Variants in AHNAK observed in about 807,000 individuals in gnomAD.
The protein encoded by AHNAK is neuroblast differentiation-associated protein AHNAK.
In AHNAK, 23 loss-of-function variants were observed where a neutral mutation model predicts 37.8. That is an observed-to-expected ratio of 0.61 (90% confidence interval 0.44 to 0.86). The LOEUF is 0.86. Ranked by LOEUF, AHNAK falls within the 40% of genes least tolerant of loss-of-function variation. The pLI, the probability that AHNAK is intolerant of heterozygous loss-of-function variation, is 0.00. For missense variants in AHNAK, 7,411 were observed against 7,319.4 expected (o/e 1.01, Z -0.46); for synonymous variants, 2,481 against 2,636.3 (o/e 0.94, Z 1.80).
At chr11:62,454,935 T>A (rs199740399) in intron 5 of AHNAK, among the ~76,000 whole-genome samples, 14,820 of 149,342 alleles carry the variant, frequency 0.099, 2,033 homozygotes, top group African/African-American at 0.31. Context: ...TATTTATTTT[T>A]TTTTTTTTTT....
rs2134243952 is a variant in AHNAK at position 62,532,993 on chromosome 11, G to A, written c.1424C>T (p.Ala475Val). The A allele has an allele frequency of 6.2e-7, 1 of 1,614,126 alleles. No individual in the cohort carries two copies. Among genetic ancestry groups the A allele is most frequent in the South Asian group, 1.1e-5 (1 of 91,080 alleles). ...CATCTTTCCTTCCAGCCCACCAGTAGCAATCTCAGGCAGGCTGACATCCCC... is the reference window on the plus strand; with the variant it reads ...CATCTTTCCTTCCAGCCCACCAGTAACAATCTCAGGCAGGCTGACATCCCC... Reference protein sequence around the residue: ...VSGDVSLPEIATGGLEGKMKG... With the variant: ...VSGDVSLPEIVTGGLEGKMKG... The change falls in exon 5 of 5, where the codon GCT becomes GTT. Residue 475 changes from alanine to valine, a missense_variant. Ala to Val is a moderately conservative substitution (Grantham distance 64). Transcript: ENST00000378024.
At chr11:62,467,243 A>G (rs1309727160) in intron 5 of AHNAK, among the ~76,000 whole-genome samples, 1 of 151,832 alleles carries the variant, frequency 6.6e-6, no homozygotes, top group Non-Finnish European at 1.5e-5. Flanking sequence ...GAAAAATAGT[A>G]TATCCTTGAA....
At chr11:62,464,968 C>T (rs1414211129) in intron 5 of AHNAK, among the ~76,000 whole-genome samples, 1 of 152,164 alleles carries the variant, frequency 6.6e-6, no homozygotes, top group African/African-American at 2.4e-5. Context: ...CAGACACAGT[C>T]GGGAACCCCT....
intron 4 of AHNAK, among the ~76,000 whole-genome samples, chr11:62,507,651 C>T (rs928357779): frequency 2.0e-5 from 3 of 152,040 alleles, no homozygotes; most frequent in African/African-American, 4.8e-5. Flanking sequence ...ATTAGCTGGG[C>T]GTGGTGGGCA....
At chr11:62,469,834 G>A (rs936596018) in intron 5 of AHNAK, among the ~76,000 whole-genome samples, 5 of 152,158 alleles carry the variant, frequency 3.3e-5, no homozygotes, top group Non-Finnish European at 5.9e-5. Flanking sequence ...AGAGGTGTCA[G>A]AAACAGAGAA....
At chr11:62,483,962 A>G (rs1590620770) in intron 5 of AHNAK, among the ~76,000 whole-genome samples, 2 of 134,936 alleles carry the variant, frequency 1.5e-5, no homozygotes, top group East Asian at 2.4e-4. Flanking sequence ...GTGTGAACCC[A>G]GGAGGTGGAG....
At chr11:62,450,452 C>A (rs983850532) in intron 5 of AHNAK, among the ~76,000 whole-genome samples, 1 of 152,282 alleles carries the variant, frequency 6.6e-6, no homozygotes, top group East Asian at 1.9e-4. Flanking sequence ...CTTGGCCCCC[C>A]AAAGTACTGG....
chr11:62,501,093 G>T (rs767113164), intron 4 of AHNAK, among the ~76,000 whole-genome samples: 1 of 152,010 alleles, frequency 6.6e-6, no homozygotes, highest in East Asian at 1.9e-4. Flanking sequence ...TTAGTCAGGC[G>T]TGGTGGCACT....
chr11:62,483,175 C>A lies in AHNAK; in HGVS notation c.442+8557G>T, dbSNP rs115354792. Among the ~76,000 whole-genome samples, 744 of 152,258 alleles carry A rather than the reference C, an allele frequency of 4.9e-3. 5 individuals are homozygous for A. Among genetic ancestry groups the A allele is most frequent in the African/African-American group, 0.017 (705 of 41,544 alleles). On this transcript the variant is annotated intron_variant, in intron 5 of 5. Transcript: ENST00000257247. ...CCCCGAAGGCCCAGGGCCCAAGGGA[C>A]GCTACGTGGCAACAGCATCGGGGTA... is the stretch of plus-strand genomic sequence containing the variant.
rs558472931 is a variant in AHNAK at position 62,515,914 on chromosome 11, A to C, written c.*830T>G. ...AAGGCACAAGACATCAAGGTTAATA[A>C]ACAGCTTTATTTGCCTTGTACAGCA... is the stretch of plus-strand genomic sequence containing the variant. On this transcript the variant is annotated 3_prime_UTR_variant, in exon 5 of 5. Transcript: ENST00000378024. 1.8e-3 allele frequency: 2,063 copies of C among 1,150,594 alleles called. 4 individuals are homozygous for C. Among genetic ancestry groups the C allele is most frequent in the Non-Finnish European group, 2.0e-3 (1,884 of 921,058 alleles). The allele number at this position is 1,150,594 out of a possible 1,614,324, so 71.3% of individuals were successfully genotyped here. A position where few individuals can be genotyped will look rare whatever the true frequency, so the allele number is the denominator to read the frequency against.
chr11:62,500,007 C>T (rs1479853221), intron 4 of AHNAK, among the ~76,000 whole-genome samples: 1 of 152,198 alleles, frequency 6.6e-6, no homozygotes. Flanking sequence ...CTCTGTCCCC[C>T]ACACCAGACT....
intron 5 of AHNAK, among the ~76,000 whole-genome samples, chr11:62,485,079 G>A (rs1056965129): frequency 3.3e-5 from 5 of 152,050 alleles, no homozygotes; most frequent in Admixed American, 1.3e-4. Context: ...GTGAGCCACC[G>A]TGCCTGGCCT....
intron 5 of AHNAK, among the ~76,000 whole-genome samples, chr11:62,448,295 A>C (rs1022692817): frequency 2.0e-5 from 3 of 152,172 alleles, no homozygotes; most frequent in African/African-American, 7.2e-5. Context: ...GAGGATTCAC[A>C]ATCAAATGTG....
chr11:62,527,010 C>T lies in AHNAK; in HGVS notation c.7407G>A (p.Gly2469=). ...DLNLKGPKIK[G]DVDVSVPEVE... Reference sequence around the variant, plus strand: ...CCTCAGGCACAGACACATCCACATCCCCCTTGATTTTGGGTCCTTTGAGAT... The same window carrying T: ...CCTCAGGCACAGACACATCCACATCTCCCTTGATTTTGGGTCCTTTGAGAT... Residue 2469 remains glycine (G), a synonymous_variant, in exon 5 of 5, where the codon GGG becomes GGA. Transcript: ENST00000378024. 1.2e-6 allele frequency: 2 copies of T among 1,613,898 alleles called. No individual in the cohort carries two copies. The highest frequency in any genetic ancestry group is 1.7e-5 in the Admixed American group (1 of 60,006).
In AHNAK at chr11:62,521,620, A is replaced by G; in HGVS notation, c.12797T>C (p.Leu4266Pro). 1 of 1,612,418 alleles carries G rather than the reference A, an allele frequency of 6.2e-7. No homozygotes were observed. The highest frequency in any genetic ancestry group is 8.5e-7 in the Non-Finnish European group (1 of 1,179,672). Residue 4266 changes from leucine to proline, a missense_variant, in exon 5 of 5, where the codon CTG becomes CCG. Transcript: ENST00000378024. The stretch of plus-strand genomic sequence containing the variant: ...ATCACCCTTCACCTTGGGACCTTTC[A>G]GATGCAAATCAAAGTCAGGCATGGA... ...KISMPDFDLH[L>P]KGPKVKGDVD...
At chr11:62,478,287 C>T (rs1035514021) in intron 5 of AHNAK, among the ~76,000 whole-genome samples, 2 of 152,226 alleles carry the variant, frequency 1.3e-5, no homozygotes, top group South Asian at 4.1e-4. Context: ...GAGGTCTTTT[C>T]ACACTAAGAC....
intron 5 of AHNAK, among the ~76,000 whole-genome samples, chr11:62,440,646 G>A (rs954438463): frequency 6.6e-6 from 1 of 152,092 alleles, no homozygotes; most frequent in Middle Eastern, 3.2e-3. Context: ...GGGAAATGAT[G>A]CTTATGCTGC....
chr11:62,537,980 C>T (rs1257973035), intron 1 of AHNAK, among the ~76,000 whole-genome samples: 2 of 152,032 alleles, frequency 1.3e-5, no homozygotes, highest in African/African-American at 4.8e-5. Context: ...CGCACCCGGC[C>T]GACCGAGTCT....
chr11:62,520,268 T>C lies in AHNAK; in HGVS notation c.14149A>G (p.Lys4717Glu). 6.2e-7 allele frequency: 1 copy of C among 1,613,144 alleles called. No homozygotes were observed. Among genetic ancestry groups the C allele is most frequent in the Middle Eastern group, 1.7e-4 (1 of 6,054 alleles). ...TCAGGCATGGAGATCTTGGGGGCTTTGATGCTCATCTCAGGCATCTTGAAC... is the reference window on the plus strand; with the variant it reads ...TCAGGCATGGAGATCTTGGGGGCTTCGATGCTCATCTCAGGCATCTTGAAC... ...PKFKMPEMSI[K>E]APKISMPDID... Residue 4717 changes from lysine to glutamate, a missense_variant, in exon 5 of 5, where the codon AAA becomes GAA. Physicochemically the swap from Lys to Glu is moderately conservative, Grantham distance 56. Transcript: ENST00000378024.
Sources: allele counts gnomAD v4.1 joint callset (sites outside exome capture counted in the v4.1 genomes callset), GRCh38; gene constraint gnomAD v4.1.1; transcripts MANE v1.5; gene names NCBI Gene and HGNC (gene_info 2026-07-23, HGNC 2026-07-21).